The following LAMA5 variants were observed in gnomAD, a reference collection of about 807,000 sequenced individuals.
The protein encoded by LAMA5 is laminin subunit alpha 5.
A neutral mutation model predicts 433.4 loss-of-function variants in LAMA5; 260 were observed. That is an observed-to-expected ratio of 0.60 (90% CI 0.54 to 0.66). The LOEUF is 0.66. Among genes scored for constraint, LAMA5 ranks in the 30% least tolerant of loss-of-function variants. The pLI, the probability that LAMA5 is intolerant of heterozygous loss-of-function variation, is 0.00. For synonymous variants in LAMA5, 2,620 were observed against 2,226.6 expected, an observed-to-expected ratio of 1.18 and a Z score of -4.97; for missense variants, 5,378 against 5,258.5, an observed-to-expected ratio of 1.02 and a Z score of -0.70.
At chr20:62,316,328 G>A (rs1281825011) in intron 57 of LAMA5, 2 of 561,600 alleles carry the variant, frequency 3.6e-6, no homozygotes, top group Non-Finnish European at 6.4e-6. Context: ...CAGCCCTCTG[G>A]TCCTAGCAGC....
intron 11 of LAMA5, chr20:62,342,195 C>G (rs763442978): frequency 2.1e-5 from 5 of 237,998 alleles, no homozygotes; most frequent in Non-Finnish European, 4.3e-5. Flanking sequence ...CCCAGCTACT[C>G]GGGAGACTGA....
At chr20:62,318,083 G>A (rs541404362) in intron 53 of LAMA5, among the ~76,000 whole-genome samples, 12 of 16,240 alleles carry the variant, frequency 7.4e-4, no homozygotes, top group African/African-American at 4.0e-3. Context: ...ATGAGAGGAG[G>A]AGAAGGGGAA....
chr20:62,347,586 G>T (rs1018036469), intron 6 of LAMA5, among the ~76,000 whole-genome samples: 2 of 152,238 alleles, frequency 1.3e-5, no homozygotes, highest in African/African-American at 4.8e-5. Flanking sequence ...GCCAAGAACT[G>T]CTTCCTTCTT....
Position 62,316,903 on chromosome 20 carries a change from C to A in LAMA5, c.7632G>T (p.Gln2544His). The change falls in exon 56 of 80, where the codon CAG (glutamine) becomes CAT (histidine). Residue 2544 changes from glutamine (Q) to histidine (H), a missense_variant. Coordinates refer to ENST00000252999, the MANE Select transcript of LAMA5 (RefSeq NM_005560.6). ...TCACCGCCCACGTGTGGTCCGCCTG[C>A]TGCAGGGCCTGGCCAGCAGCATCCT... The part of the protein sequence containing the change: ...AAEDAAGQAL[Q>H]QADHTWATVV... The A allele has an allele frequency of 6.5e-7, 1 of 1,539,240 alleles. No individual in the cohort carries two copies.
intron 1 of LAMA5, among the ~76,000 whole-genome samples, chr20:62,364,265 C>A (rs1269572453): frequency 6.6e-6 from 1 of 152,200 alleles, no homozygotes; most frequent in Non-Finnish European, 1.5e-5. Context: ...GGGCCAGGGG[C>A]TCCTGGAGAA....
Position 62,319,734 on chromosome 20 carries a change from T to C in LAMA5, c.6821A>G (p.His2274Arg). ...LLAGTEATLGHAKTLLAAIRA... is the reference protein window; with the variant it reads ...LLAGTEATLGRAKTLLAAIRA... The stretch of plus-strand genomic sequence containing the variant: ...GATGGCCGCCAACAGCGTCTTCGCA[T>C]GGCCCAGTGTGGCCTCGGTGCCGGC... Residue 2274 changes from histidine to arginine, a missense_variant, in exon 51 of 80, where the codon CAT (histidine) becomes CGT (arginine). His to Arg is a conservative substitution (Grantham distance 29). Transcript: ENST00000252999. 2 of 1,548,990 alleles carry C rather than the reference T, an allele frequency of 1.3e-6. No individual in the cohort carries two copies. The highest frequency in any genetic ancestry group is 1.7e-6 in the Non-Finnish European group (2 of 1,147,532).
At chr20:62,352,395 C>T in intron 3 of LAMA5, 35 bp from the exon 4 acceptor site, 1 of 1,547,218 alleles carries the variant, frequency 6.5e-7, no homozygotes, top group Non-Finnish European at 8.8e-7. Flanking sequence ...GGCGCTGGAT[C>T]ACCAGAAAAG....
In LAMA5 at chr20:62,345,896, C is replaced by T. The variant is rs760068736; in HGVS notation, c.1418-19G>A. ...GGCGTCGCTGAGGGGAAGAGACACG[C>T]ATGTTGGCCAGGTCTGCTCAGAACC... On this transcript the variant is annotated intron_variant, in intron 10 of 79. Transcript: ENST00000252999. 6.4e-7 allele frequency: 1 copy of T among 1,556,836 alleles called. No homozygotes were observed. Among genetic ancestry groups the T allele is most frequent in the East Asian group, 2.4e-5 (1 of 41,398 alleles).
In LAMA5 at chr20:62,346,540, G is replaced by T; in HGVS notation, c.1248C>A (p.Pro416=). 1 of 1,556,116 alleles carries T rather than the reference G, an allele frequency of 6.4e-7. No homozygotes were observed. Among genetic ancestry groups the T allele is most frequent in the East Asian group, 2.4e-5 (1 of 41,182 alleles). ...CGTGGGGCGAGTCGAGAGGGTGGTT[G>T]GGAGAGCGGTAGAAGCCGGGCAGGC... ...ERCLPGFYRS[P]NHPLDSPHVC... The change falls in exon 9 of 80, where the codon CCC becomes CCA. Residue 416 remains proline, a synonymous_variant. Coordinates refer to ENST00000252999, the MANE Select transcript of LAMA5 (RefSeq NM_005560.6).
rs770085840 is a variant in LAMA5 at position 62,329,179 on chromosome 20, A to G, written c.4194T>C (p.Tyr1398=). 3 of 1,612,898 alleles carry G rather than the reference A, an allele frequency of 1.9e-6. No homozygotes were observed. Among genetic ancestry groups the G allele is most frequent in the South Asian group, 1.1e-5 (1 of 91,088 alleles). Residue 1398 remains tyrosine (Y), a synonymous_variant, in exon 33 of 80, where the codon TAT becomes TAC. Transcript: ENST00000252999. ...YLREEPLDKS[Y]DFISHCAAQG... ...GGGCTGCGCAGTGGCTGATGAAGTC[A>G]TAGGATTTATCCAGGGGCTCCTCCC...
Position 62,312,213 on chromosome 20 carries a change from C to T in LAMA5, c.9464G>A (p.Ser3155Asn), listed in dbSNP as rs1466384240. Residue 3155 changes from serine to asparagine, a missense_variant, in exon 69 of 80, where the codon AGC becomes AAC. Transcript: ENST00000252999. Reference protein sequence around the residue: ...GNVYSGFGFHSAQDSALLYYR... With the variant: ...GNVYSGFGFHNAQDSALLYYR... ...GTAGAGCAGGGCACTGTCCTGGGCG[C>T]TGTGGAAGCCGAAGCCGGAGTAGAC... The T allele has an allele frequency of 1.2e-6, 2 of 1,610,490 alleles. No homozygotes were observed. Among genetic ancestry groups the T allele is most frequent in the South Asian group, 2.2e-5 (2 of 90,802 alleles).
At chr20:62,330,001 C>A (rs1980056868) in intron 31 of LAMA5, 85 bp from the exon 32 acceptor site, 3 of 1,522,868 alleles carry the variant, frequency 2.0e-6, no homozygotes, top group African/African-American at 1.4e-5. Context: ...AGCGTTGGGG[C>A]AGCCAAGGAG....
At position 62,338,106 on chromosome 20, in the gene LAMA5, C is replaced by A; in HGVS notation, c.1801G>T (p.Glu601Ter). Residue 601 changes from glutamate to a stop codon, truncating the protein, a stop_gained, in exon 14 of 80, where the codon GAG (glutamate) becomes TAG (stop). Transcript: ENST00000252999. LOFTEE classifies it high-confidence loss of function. ...GGCTGGCATAGGCAGCGGCCGGCCT[C>A]ATCGCAGCCCTCGGGCAAGGTTCCT... ...PAGTLPEGCD[E>*]AGRCLCQPEF... 6.2e-7 allele frequency: 1 copy of A among 1,600,384 alleles called. No homozygotes were observed. Among genetic ancestry groups the A allele is most frequent in the South Asian group, 1.1e-5 (1 of 89,332 alleles).
rs1286100070 is a variant in LAMA5 at position 62,312,946 on chromosome 20, C to G, written c.9020G>C (p.Gly3007Ala). ...SLVLLYDFGA[G>A]LKKAVPLQPP... Reference sequence around the variant, plus strand: ...CTGCAGTGGGACGGCCTTTTTCAGGCCAGCCCCAAAGTCATACAACAGCAC... The same window carrying G: ...CTGCAGTGGGACGGCCTTTTTCAGGGCAGCCCCAAAGTCATACAACAGCAC... The change falls in exon 66 of 80, where the codon GGC becomes GCC. Residue 3007 changes from glycine to alanine, a missense_variant. Physicochemically the swap from Gly to Ala is moderately conservative, Grantham distance 60. Transcript: ENST00000252999. The G allele has an allele frequency of 1.3e-6, 2 of 1,580,936 alleles. No homozygotes were observed. Among genetic ancestry groups the G allele is most frequent in the Admixed American group, 3.5e-5 (2 of 57,966 alleles).
At chr20:62,311,816 T>TGGGGCCCCCCCCC in intron 70 of LAMA5, 32 bp from the exon 71 acceptor site, 1 of 1,521,002 alleles carries the variant, frequency 6.6e-7, no homozygotes, top group Non-Finnish European at 8.9e-7. Context: ...GCTCGGTTTT[T>TGGGGCCCCCCCCC]CCCCACCCTG....
chr20:62,323,290 T>C (rs1044064116), intron 45 of LAMA5, among the ~76,000 whole-genome samples, 166 bp downstream of exon 45: 2 of 151,118 alleles, frequency 1.3e-5, no homozygotes, highest in Non-Finnish European at 2.9e-5. Flanking sequence ...GACCGGATCA[T>C]AGCGGGGGAG....
intron 11 of LAMA5, 41 bp downstream of exon 11, chr20:62,345,777 C>T (rs1440178870): frequency 2.0e-5 from 30 of 1,473,236 alleles, no homozygotes; most frequent in African/African-American, 2.8e-5. Context: ...CCCCATGGCT[C>T]CAGGGCAGGC....
Position 62,317,992 on chromosome 20 carries a change from C to A in LAMA5, c.7240-214G>T, listed in dbSNP as rs56319425. On this transcript the variant is annotated intron_variant, in intron 53 of 79. Coordinates refer to ENST00000252999, the MANE Select transcript of LAMA5 (RefSeq NM_005560.6). Reference sequence around the variant, plus strand: ...AAGTGGGGAAGAAGAGAAAGGAAGGCGGAAGGGGGCAAAAGGGGGAGGGGA... The same window carrying A: ...AAGTGGGGAAGAAGAGAAAGGAAGGAGGAAGGGGGCAAAAGGGGGAGGGGA... Among the ~76,000 whole-genome samples the A allele has an allele frequency of 8.6e-3, 51 of 5,916 alleles. 3 individuals carry two copies. Among genetic ancestry groups the A allele is most frequent in the African/African-American group, 0.043 (46 of 1,064 alleles). The allele number at this position is 5,916 out of a possible 152,430, so 3.9% of individuals were successfully genotyped here. A position where few individuals can be genotyped will look rare whatever the true frequency, so the allele number is the denominator to read the frequency against.
At position 62,338,110 on chromosome 20, in the gene LAMA5, G is replaced by A. The variant is rs1360024084; in HGVS notation, c.1797C>T (p.Cys599=). The A allele has an allele frequency of 8.8e-6, 14 of 1,597,652 alleles. No individual in the cohort carries two copies. The Admixed American group carries it at 1.7e-4, about 19-fold the overall frequency. ...CSPAGTLPEG[C]DEAGRCLCQP... ...GGCATAGGCAGCGGCCGGCCTCATC[G>A]CAGCCCTCGGGCAAGGTTCCTGCAG... Residue 599 remains cysteine, a synonymous_variant, in exon 14 of 80, where the codon TGC becomes TGT. Coordinates refer to ENST00000252999, the MANE Select transcript of LAMA5 (RefSeq NM_005560.6).
Sources: allele counts gnomAD v4.1 joint callset (sites outside exome capture counted in the v4.1 genomes callset), GRCh38; gene constraint gnomAD v4.1.1; transcripts MANE v1.5; gene names NCBI Gene and HGNC (gene_info 2026-07-23, HGNC 2026-07-21).